The following SCNN1G variants were observed in gnomAD, a reference collection of about 807,000 sequenced individuals.
SCNN1G encodes the protein epithelial sodium channel subunit gamma.
Under a neutral mutation model 64.6 loss-of-function variants are expected in SCNN1G, and 27 were observed. The observed-to-expected ratio is 0.42, with a 90% CI of 0.31 to 0.58. SCNN1G has a LOEUF of 0.58. Ranked by LOEUF, SCNN1G falls within the 20% of genes least tolerant of loss-of-function variation. SCNN1G has a pLI of 0.18. For missense variants in SCNN1G, 743 were observed against 823.4 expected (o/e 0.90, Z 1.19); for synonymous variants, 330 against 314.2 (o/e 1.05, Z -0.53).
chr16:23,210,851 G>T (rs1361044731), intron 7 of SCNN1G, among the ~76,000 whole-genome samples: 5 of 151,868 alleles, frequency 3.3e-5, no homozygotes, highest in African/African-American at 1.2e-4. Context: ...GGGCAACATA[G>T]CAAGACCTTG....
intron 6 of SCNN1G, among the ~76,000 whole-genome samples, chr16:23,206,943 C>A (rs137965390): frequency 6.6e-6 from 1 of 152,302 alleles, no homozygotes; most frequent in African/African-American, 2.4e-5. Context: ...CACAAGCCAG[C>A]AGTTCTAGAA....
intron 6 of SCNN1G, among the ~76,000 whole-genome samples, chr16:23,207,962 C>T (rs1960017412): frequency 6.6e-6 from 1 of 152,072 alleles, no homozygotes; most frequent in Admixed American, 6.5e-5. Flanking sequence ...TCTTTACCCC[C>T]ATCTCCCCAA....
At chr16:23,197,204 T>C (rs1470979688) in intron 5 of SCNN1G, 60 bp from the exon 6 acceptor site, 1 of 1,457,822 alleles carries the variant, frequency 6.9e-7, no homozygotes, top group Non-Finnish European at 9.6e-7. Context: ...GGAGAGGTGG[T>C]TTACCCCCAG....
At chr16:23,194,306 G>A in intron 5 of SCNN1G, 32 bp downstream of exon 5, 1 of 1,440,752 alleles carries the variant, frequency 6.9e-7, no homozygotes, top group Non-Finnish European at 9.8e-7. Flanking sequence ...AGATCTTGAG[G>A]CCCTCCAATA....
At chr16:23,209,083 T>A (rs977468623) in intron 6 of SCNN1G, among the ~76,000 whole-genome samples, 1 of 152,170 alleles carries the variant, frequency 6.6e-6, no homozygotes, top group Non-Finnish European at 1.5e-5. Flanking sequence ...CAGCCCATCT[T>A]GCTTCAAGCC....
intron 6 of SCNN1G, among the ~76,000 whole-genome samples, chr16:23,209,067 C>G (rs1349387474): frequency 2.0e-5 from 3 of 152,156 alleles, no homozygotes; most frequent in Non-Finnish European, 4.4e-5. Context: ...CCATTTTCAG[C>G]CATACCAGCC....
intron 6 of SCNN1G, among the ~76,000 whole-genome samples, chr16:23,206,296 T>C (rs1269891388): frequency 1.3e-5 from 2 of 152,138 alleles, no homozygotes; most frequent in African/African-American, 4.8e-5. Flanking sequence ...TGAGAAGTGA[T>C]TATACTGGTT....
At chr16:23,210,118 G>C (rs1342437996) in intron 7 of SCNN1G, among the ~76,000 whole-genome samples, 1 of 152,218 alleles carries the variant, frequency 6.6e-6, no homozygotes, top group Non-Finnish European at 1.5e-5. Context: ...GGCAAGGGAG[G>C]AACAGGAAAG....
rs1327228298 is a variant in SCNN1G, at chr16:23,215,161, G to A, written c.1642G>A (p.Glu548Lys). The change falls in exon 13 of 13, where the codon GAG (glutamate) becomes AAG (lysine). Residue 548 changes from glutamate (E) to lysine (K), a missense_variant. Transcript: ENST00000300061. ...GAGCTGCTCTGTTGTCTGCGTCATC[G>A]AGATCATCGAGGTCTTCTTCATTGA... is the stretch of plus-strand genomic sequence containing the variant. ...WMSCSVVCVI[E>K]IIEVFFIDFF... The A allele has an allele frequency of 1.2e-6, 2 of 1,614,098 alleles. No individual in the cohort carries two copies. The highest frequency in any genetic ancestry group is 2.2e-5 in the East Asian group (1 of 44,858).
At chr16:23,209,651 A>G in intron 6 of SCNN1G, 99 bp from the exon 7 acceptor site, 1 of 864,606 alleles carries the variant, frequency 1.2e-6, no homozygotes, top group Non-Finnish European at 2.0e-6. Context: ...CTCAGCTCCC[A>G]AGGGCTGCTT....
intron 8 of SCNN1G, among the ~76,000 whole-genome samples, chr16:23,212,373 T>G (rs1960093879): frequency 6.6e-6 from 1 of 152,202 alleles, no homozygotes; most frequent in Non-Finnish European, 1.5e-5. Flanking sequence ...CGGTGGATAT[T>G]ACCTTTTCAC....
In SCNN1G at chr16:23,209,776, C is replaced by T. The variant is rs1457632023; in HGVS notation, c.1104C>T (p.Pro368=). The change falls in exon 7 of 13, where the codon CCC becomes CCT. Residue 368 remains proline, a synonymous_variant. Transcript: ENST00000300061. ...HLTESFKLSE[P]YSQCTEDGSD... ...CAGAGTCCTTCAAGCTGAGTGAGCC[C>T]TACAGTCAGTGCACGGAGGACGGGA... The T allele has an allele frequency of 1.2e-6, 2 of 1,613,966 alleles. No individual in the cohort carries two copies. The highest frequency in any genetic ancestry group is 1.1e-5 in the South Asian group (1 of 91,078).
intron 8 of SCNN1G, among the ~76,000 whole-genome samples, 168 bp from the exon 9 acceptor site, chr16:23,212,510 T>A (rs1960096457): frequency 6.6e-6 from 1 of 152,198 alleles, no homozygotes; most frequent in East Asian, 1.9e-4. Context: ...CCGCCATTGC[T>A]TTCTGTTTCC....
At chr16:23,192,067 G>A (rs1245708764) in intron 3 of SCNN1G, among the ~76,000 whole-genome samples, 2 of 139,188 alleles carry the variant, frequency 1.4e-5, no homozygotes, top group African/African-American at 5.0e-5. Flanking sequence ...TAGGTGCCTA[G>A]GGACCCTGAA....
intron 7 of SCNN1G, among the ~76,000 whole-genome samples, chr16:23,211,311 G>T (rs1273739872): frequency 6.6e-6 from 1 of 152,232 alleles, no homozygotes; most frequent in East Asian, 1.9e-4. Flanking sequence ...CATGGATATT[G>T]TGGTAGCTTA....
intron 2 of SCNN1G, 49 bp from the exon 3 acceptor site, chr16:23,189,322 T>C (rs1364857850): frequency 1.3e-6 from 2 of 1,589,030 alleles, no homozygotes; most frequent in African/African-American, 2.7e-5. Flanking sequence ...ACCAGAGTTC[T>C]GCCAGGGCCG....
chr16:23,204,306 T>TATATATATAC (rs1959943604), intron 6 of SCNN1G, among the ~76,000 whole-genome samples: 2 of 63,940 alleles, frequency 3.1e-5, no homozygotes, highest in African/African-American at 1.2e-4. Context: ...TATATATATA[T>TATATATATAC]ATATATATAT....
chr16:23,184,662 T>A (rs1414620027), intron 1 of SCNN1G, among the ~76,000 whole-genome samples: 1 of 152,096 alleles, frequency 6.6e-6, no homozygotes, highest in East Asian at 1.9e-4. Flanking sequence ...TCTGAGGCCT[T>A]AAACCCACTA....
At position 23,192,480 on chromosome 16, in the gene SCNN1G, G is replaced by A. The variant is rs199757401; in HGVS notation, c.747G>A (p.Met249Ile). ...TGCCTCTGGAGAAGAAAATCAACAT[G>A]AGCTATTCTGCTGAGGAGCTGCTGG... ...AQVPLEKKIN[M>I]SYSAEELLVT... The change falls in exon 4 of 13, where the codon ATG becomes ATA. Residue 249 changes from methionine (M) to isoleucine (I), a missense_variant. Coordinates refer to ENST00000300061, the MANE Select transcript of SCNN1G (RefSeq NM_001039.4). 4 of 1,613,358 alleles carry A rather than the reference G, an allele frequency of 2.5e-6. No individual in the cohort carries two copies. In the Admixed American group the frequency reaches 6.7e-5, roughly 27 times the overall value.
Sources: gnomAD v4.1 joint callset for allele counts (sites outside exome capture counted in the v4.1 genomes callset) on GRCh38, gnomAD v4.1.1 for gene constraint, MANE v1.5 for transcripts, NCBI Gene and HGNC (gene_info 2026-07-23, HGNC 2026-07-21) for gene names.